Variants in RPGRIP1L observed in about 807,000 individuals in gnomAD.
The protein encoded by RPGRIP1L is protein fantom.
RPGRIP1L carries 131 observed loss-of-function variants against 160.4 expected under a neutral mutation model. That is an observed-to-expected ratio of 0.82 (90% CI 0.71 to 0.94). The LOEUF is 0.94. Ranked by LOEUF, RPGRIP1L falls within the 40% of genes least tolerant of loss-of-function variation. The pLI, the probability that RPGRIP1L is intolerant of heterozygous loss-of-function variation, is 0.00. For synonymous variants in RPGRIP1L, 510 were observed against 515.8 expected, an observed-to-expected ratio of 0.99 and a Z score of 0.15; for missense variants, 1,522 against 1,535.8, an observed-to-expected ratio of 0.99 and a Z score of 0.15.
At chr16:53,665,339 C>T (rs1472186602) in intron 9 of RPGRIP1L, among the ~76,000 whole-genome samples, 1 of 152,132 alleles carries the variant, frequency 6.6e-6, no homozygotes, top group African/African-American at 2.4e-5. Context: ...CAAAACTCAG[C>T]AATTGACATC....
At chr16:53,678,262 A>G (rs1567871080) in intron 6 of RPGRIP1L, among the ~76,000 whole-genome samples, 2 of 152,176 alleles carry the variant, frequency 1.3e-5, no homozygotes, top group Non-Finnish European at 2.9e-5. Flanking sequence ...TGTCCAAAAA[A>G]AAGTAATCCA....
In RPGRIP1L at chr16:53,656,548, C is replaced by T. The variant is rs1178582517; in HGVS notation, c.1623G>A (p.Gln541=). 1.9e-6 allele frequency: 3 copies of T among 1,613,978 alleles called. No individual in the cohort carries two copies. The highest frequency in any genetic ancestry group is 1.7e-4 in the Middle Eastern group (1 of 6,060). The stretch of plus-strand genomic sequence containing the variant: ...GTTCCACTTTGAGTTCATAATCTTG[C>T]TGCAAATTTTCCATCTTACGGGTCA... ...EAVTRKMENL[Q]QDYELKVEQY... Residue 541 remains glutamine, a synonymous_variant, in exon 14 of 27, where the codon CAG becomes CAA. Coordinates refer to ENST00000647211, the MANE Select transcript of RPGRIP1L (RefSeq NM_015272.5).
chr16:53,630,769 C>G (rs943956566), intron 22 of RPGRIP1L, among the ~76,000 whole-genome samples: 2 of 151,984 alleles, frequency 1.3e-5, no homozygotes, highest in Non-Finnish European at 2.9e-5. Flanking sequence ...GAGTCTTGCT[C>G]TGTTGCCCAG....
chr16:53,689,779 A>G (rs1311808440), intron 4 of RPGRIP1L, among the ~76,000 whole-genome samples: 1 of 152,208 alleles, frequency 6.6e-6, no homozygotes, highest in Non-Finnish European at 1.5e-5. Context: ...AGGTTTACTC[A>G]TAAAGACGGA....
At chr16:53,605,646 C>T (rs201461815) in intron 25 of RPGRIP1L, 32 bp from the exon 26 acceptor site, 12 of 1,612,268 alleles carry the variant, frequency 7.4e-6, no homozygotes, top group African/African-American at 4.0e-5. Context: ...AAAGTCACCA[C>T]CAAGTGAGAA....
intron 4 of RPGRIP1L, 87 bp downstream of exon 4, chr16:53,691,978 CG>C: frequency 8.2e-7 from 1 of 1,216,120 alleles, no homozygotes; most frequent in South Asian, 1.2e-5. Flanking sequence ...TAAAAGCATG[CG>C]TAATACAGAA....
chr16:53,639,235 TATAAA>T (rs1425369908), intron 19 of RPGRIP1L, among the ~76,000 whole-genome samples: 4 of 151,918 alleles, frequency 2.6e-5, no homozygotes, highest in African/African-American at 9.7e-5. Context: ...AAAAGATAAA[TATAAA>T]ATAAATCAAT....
At chr16:53,620,998 A>G (rs1964674626) in intron 23 of RPGRIP1L, among the ~76,000 whole-genome samples, 1 of 152,218 alleles carries the variant, frequency 6.6e-6, no homozygotes, top group Non-Finnish European at 1.5e-5. Flanking sequence ...GTTTCTGCAC[A>G]AAAGAATTAA....
At chr16:53,690,465 G>T (rs545373938) in intron 4 of RPGRIP1L, among the ~76,000 whole-genome samples, 1 of 152,002 alleles carries the variant, frequency 6.6e-6, no homozygotes. Flanking sequence ...CAAAGTGCTG[G>T]GATTATAGGC....
At chr16:53,695,297 G>A in intron 3 of RPGRIP1L, 2 of 695,534 alleles carry the variant, frequency 2.9e-6, no homozygotes, top group South Asian at 3.0e-5. Flanking sequence ...CCATCATCAT[G>A]ACTAAAACCC....
Position 53,652,797 on chromosome 16 carries a change from G to C in RPGRIP1L, c.1890C>G (p.Val630=). 1 of 1,614,122 alleles carries C rather than the reference G, an allele frequency of 6.2e-7. No individual in the cohort carries two copies. The highest frequency in any genetic ancestry group is 8.5e-7 in the Non-Finnish European group (1 of 1,179,980). Residue 630 remains valine, a synonymous_variant, in exon 15 of 27, where the codon GTC becomes GTG. Coordinates refer to ENST00000647211, the MANE Select transcript of RPGRIP1L (RefSeq NM_015272.5). ...CATAGAAAGCATAGGTACAGAAAGTGACAGGCTCTTTATCTCCAGATGCCT... is the reference window on the plus strand; with the variant it reads ...CATAGAAAGCATAGGTACAGAAAGTCACAGGCTCTTTATCTCCAGATGCCT... ...VLQASGDKEP[V]TFCTYAFYDF...
intron 9 of RPGRIP1L, among the ~76,000 whole-genome samples, chr16:53,669,513 G>A (rs1430942841): frequency 2.0e-5 from 3 of 151,382 alleles, no homozygotes; most frequent in East Asian, 1.9e-4. Flanking sequence ...AATATGGAAA[G>A]ATAAAGTTTT....
At chr16:53,663,984 G>GT (rs1407730141) in intron 10 of RPGRIP1L, among the ~76,000 whole-genome samples, 1 of 152,146 alleles carries the variant, frequency 6.6e-6, no homozygotes, top group Non-Finnish European at 1.5e-5. Context: ...AACTAGAAAC[G>GT]TAACTGTTTT....
chr16:53,639,096 T>G (rs1359464594), intron 19 of RPGRIP1L, among the ~76,000 whole-genome samples: 1 of 152,036 alleles, frequency 6.6e-6, no homozygotes, highest in African/African-American at 2.4e-5. Context: ...AATGTCATCT[T>G]TTTATTTCAT....
intron 24 of RPGRIP1L, among the ~76,000 whole-genome samples, chr16:53,611,942 G>T (rs1477269466): frequency 6.6e-6 from 1 of 152,156 alleles, no homozygotes; most frequent in African/African-American, 2.4e-5. Context: ...GCATGCAATG[G>T]GTGAAAGATA....
At chr16:53,641,170 GAT>G (rs1377572176) in intron 18 of RPGRIP1L, 54 bp from the exon 19 acceptor site, 1 of 1,548,556 alleles carries the variant, frequency 6.5e-7, no homozygotes, top group Non-Finnish European at 8.9e-7. Flanking sequence ...TTAGATTTCA[GAT>G]AAGACTTTAG....
intron 9 of RPGRIP1L, among the ~76,000 whole-genome samples, chr16:53,665,418 T>G (rs1968158638): frequency 6.6e-6 from 1 of 152,210 alleles, no homozygotes; most frequent in Non-Finnish European, 1.5e-5. Flanking sequence ...ACCTGATCTT[T>G]AATTCTGTGA....
chr16:53,683,484 A>G (rs1387318048), intron 6 of RPGRIP1L, among the ~76,000 whole-genome samples: 17 of 152,190 alleles, frequency 1.1e-4, no homozygotes, highest in Non-Finnish European at 1.9e-4. Flanking sequence ...CATGGTAGGT[A>G]TGTTTTTAAA....
chr16:53,610,481 C>G (rs1963959232), intron 25 of RPGRIP1L, among the ~76,000 whole-genome samples: 1 of 152,168 alleles, frequency 6.6e-6, no homozygotes, highest in South Asian at 2.1e-4. Flanking sequence ...ACTATACTAT[C>G]TGTGTTACAT....
Sources: allele counts gnomAD v4.1 joint callset (sites outside exome capture counted in the v4.1 genomes callset), GRCh38; gene constraint gnomAD v4.1.1; transcripts MANE v1.5; gene names NCBI Gene and HGNC (gene_info 2026-07-23, HGNC 2026-07-21).